The following CSMD2 variants were observed in gnomAD, a reference collection of about 807,000 sequenced individuals.
The protein encoded by CSMD2 is CUB and Sushi multiple domains 2.
In CSMD2, 130 loss-of-function variants were observed where a neutral mutation model predicts 398.5. That is an observed-to-expected ratio of 0.33 (90% CI 0.28 to 0.38). The LOEUF is 0.38. CSMD2 is among the 10% of genes least tolerant of loss of function. The pLI is 1.00. For missense variants in CSMD2, 3,829 were observed against 4,764.9 expected (o/e 0.80, Z 5.78); for synonymous variants, 1,828 against 1,908.5 (o/e 0.96, Z 1.10).
Position 33,616,961 on chromosome 1 carries a change from G to A in CSMD2, c.5961C>T (p.Ile1987=). The A allele has an allele frequency of 6.2e-7, 1 of 1,614,196 alleles. No individual in the cohort carries two copies. Among genetic ancestry groups the A allele is most frequent in the Non-Finnish European group, 8.5e-7 (1 of 1,180,024 alleles). ...PGYALQGHAH[I]SCMPGTVRRW... is the part of the protein sequence containing the mutation. ...GCCGCACTGTTCCGGGCATGCAGGA[G>A]ATGTGGGCGTGGCCCTGGAGGAATC... The change falls in exon 39 of 71, where the codon ATC becomes ATT. Residue 1987 remains isoleucine (I), a synonymous_variant. Transcript: ENST00000373381.
At chr1:33,523,163 C>T (rs971742611) in intron 67 of CSMD2, 144 bp downstream of exon 67, 3 of 539,358 alleles carry the variant, frequency 5.6e-6, no homozygotes, top group Non-Finnish European at 1.0e-5. Context: ...GATGAGGATC[C>T]TCTTGCTGCT....
chr1:33,661,974 T>C (rs1644151235), intron 26 of CSMD2, among the ~76,000 whole-genome samples: 1 of 141,916 alleles, frequency 7.0e-6, no homozygotes, highest in Admixed American at 6.9e-5. Context: ...GAGATGGTAA[T>C]GAAGACAGCT....
At chr1:33,548,220 T>C (rs866758641) in intron 56 of CSMD2, among the ~76,000 whole-genome samples, 4 of 152,226 alleles carry the variant, frequency 2.6e-5, no homozygotes, top group Non-Finnish European at 5.9e-5. Context: ...TTTGGCAGTA[T>C]GAGAACAGAC....
At chr1:33,528,000 C>T (rs1041114173) in intron 64 of CSMD2, among the ~76,000 whole-genome samples, 1 of 151,366 alleles carries the variant, frequency 6.6e-6, no homozygotes, top group Non-Finnish European at 1.5e-5. Flanking sequence ...CCAGATGCCT[C>T]GCATGAAGGA....
chr1:33,790,366 C>A (rs937906885), intron 11 of CSMD2, among the ~76,000 whole-genome samples: 3 of 152,172 alleles, frequency 2.0e-5, no homozygotes, highest in African/African-American at 7.2e-5. Flanking sequence ...CTCATCCAAT[C>A]AGTTGAAGGG....
At position 33,985,790 on chromosome 1, in the gene CSMD2, G is replaced by A. The variant is rs532791267; in HGVS notation, c.517+46804C>T. ...AGCTTAGTCCTGCTGGTACAAACCT[G>A]TGCTCCCTTTCAAGCCTCCAGTCTA... On this transcript the variant is annotated intron_variant, in intron 3 of 70. Transcript: ENST00000373381. 2.6e-4 allele frequency among the ~76,000 whole-genome samples: 40 copies of A among 152,238 alleles called. No homozygotes were observed. In the South Asian group the frequency reaches 3.7e-3, roughly 14 times the overall value.
In CSMD2 at chr1:33,698,862, G is replaced by A; in HGVS notation, c.3816C>T (p.Ser1272=). ...CAGGGTCACAGCTGAAGGACACGGAGCTCCCTGCAAAATGACCTTCATCAT... is the reference window on the plus strand; with the variant it reads ...CAGGGTCACAGCTGAAGGACACGGAACTCCCTGCAAAATGACCTTCATCAT... ...KVHDEGHFAG[S]SVSFSCDPGY... Residue 1272 remains serine (S), a synonymous_variant, in exon 24 of 71, where the codon AGC becomes AGT. Transcript: ENST00000373381. 1 of 1,614,208 alleles carries A rather than the reference G, an allele frequency of 6.2e-7. No homozygotes were observed. The highest frequency in any genetic ancestry group is 1.3e-5 in the African/African-American group (1 of 75,060).
At position 34,164,670 on chromosome 1, in the gene CSMD2, C is replaced by A. The variant is rs1003486215; in HGVS notation, c.187+241G>T. On this transcript the variant is annotated intron_variant, in intron 1 of 70. Coordinates refer to ENST00000373381, the MANE Select transcript of CSMD2 (RefSeq NM_001281956.2). The surrounding 1 kb of genome is among the most constrained non-coding windows in gnomAD (Gnocchi z 6.2). ...CCCAGGCCCCCACACCGGCCGCATCCGTCCAAGTTGCGGCTGGGGTTGGGG... is the reference window on the plus strand; with the variant it reads ...CCCAGGCCCCCACACCGGCCGCATCAGTCCAAGTTGCGGCTGGGGTTGGGG... Among the ~76,000 whole-genome samples, 2 of 152,034 alleles carry A rather than the reference C, an allele frequency of 1.3e-5. No individual in the cohort carries two copies. The highest frequency in any genetic ancestry group is 6.5e-5 in the Admixed American group (1 of 15,270).
At chr1:33,925,042 T>G (rs1247952897) in intron 4 of CSMD2, among the ~76,000 whole-genome samples, 1 of 152,144 alleles carries the variant, frequency 6.6e-6, no homozygotes, top group Non-Finnish European at 1.5e-5. Context: ...GTGTAGAAGC[T>G]TTTTAGTTTA....
chr1:34,089,887 G>A (rs1286275534), intron 1 of CSMD2, among the ~76,000 whole-genome samples: 3 of 151,858 alleles, frequency 2.0e-5, no homozygotes, highest in Non-Finnish European at 4.4e-5. Context: ...CCCACTCCTC[G>A]TCTCCCTCCA....
chr1:33,540,737 C>A, intron 59 of CSMD2, 39 bp from the exon 60 acceptor site: 2 of 1,609,082 alleles, frequency 1.2e-6, no homozygotes, highest in South Asian at 2.2e-5. Flanking sequence ...CTGATGCTGT[C>A]CTGGGAAACC....
intron 2 of CSMD2, among the ~76,000 whole-genome samples, chr1:34,080,913 A>C: frequency 6.9e-6 from 1 of 144,312 alleles, no homozygotes; most frequent in South Asian, 2.3e-4. Flanking sequence ...TGGCAAGACT[A>C]ACTGAGTGGA....
chr1:33,523,617 A>G (rs1280026467), intron 66 of CSMD2, among the ~76,000 whole-genome samples, 198 bp from the exon 67 acceptor site: 1 of 152,198 alleles, frequency 6.6e-6, no homozygotes, highest in East Asian at 1.9e-4. Context: ...ATATGCAAGA[A>G]TTATTAATAT....
At chr1:33,954,306 A>G (rs1369851002) in intron 3 of CSMD2, among the ~76,000 whole-genome samples, 1 of 152,006 alleles carries the variant, frequency 6.6e-6, no homozygotes, top group Non-Finnish European at 1.5e-5. Flanking sequence ...TGCCTTCCAC[A>G]GCTGATTGGT....
intron 1 of CSMD2, among the ~76,000 whole-genome samples, chr1:34,107,561 C>A (rs1049235576): frequency 3.9e-5 from 6 of 152,252 alleles, no homozygotes; most frequent in Middle Eastern, 3.4e-3. Context: ...AAATAGGAAT[C>A]AACCCCAGGC....
chr1:33,733,993 G>A (rs912913293), intron 15 of CSMD2, among the ~76,000 whole-genome samples: 2 of 152,094 alleles, frequency 1.3e-5, no homozygotes, highest in Non-Finnish European at 2.9e-5. Context: ...CTGTTTTTGC[G>A]GATTCTCATG....
chr1:34,119,972 T>C (rs1010864572), intron 1 of CSMD2, among the ~76,000 whole-genome samples: 13 of 152,246 alleles, frequency 8.5e-5, no homozygotes, highest in African/African-American at 3.1e-4. Flanking sequence ...TGTATACCAA[T>C]GTTCATTGCA....
chr1:33,815,361 T>G (rs539599774), intron 9 of CSMD2: 1 of 152,312 alleles, frequency 6.6e-6, no homozygotes, highest in Non-Finnish European at 1.5e-5. Context: ...TCTTCTTAGC[T>G]TTCTTCTTCT....
At chr1:33,865,754 T>C (rs1220135425) in intron 5 of CSMD2, among the ~76,000 whole-genome samples, 2 of 152,228 alleles carry the variant, frequency 1.3e-5, no homozygotes, top group Admixed American at 6.5e-5. Context: ...AAACTTTTCA[T>C]TGAAGATGAA....
Sources: allele counts gnomAD v4.1 joint callset (sites outside exome capture counted in the v4.1 genomes callset), GRCh38; gene constraint gnomAD v4.1.1; non-coding constraint Gnocchi (gnomAD v3.1); transcripts MANE v1.5; gene names NCBI Gene and HGNC (gene_info 2026-07-23, HGNC 2026-07-21).